Variants in SHISA9 observed in about 807,000 individuals in gnomAD.
SHISA9 encodes protein shisa-9.
SHISA9 carries 13 observed loss-of-function variants against 38.0 expected under a neutral mutation model. The observed-to-expected ratio is 0.34, with a 90% CI of 0.22 to 0.54. SHISA9 has a LOEUF of 0.54. Among genes scored for constraint, SHISA9 ranks in the 20% least tolerant of loss-of-function variants. The pLI is 0.91. For missense variants in SHISA9, 538 were observed against 575.8 expected (o/e 0.93, Z 0.67); for synonymous variants, 275 against 242.0 (o/e 1.14, Z -1.27).
At chr16:13,369,853 G>T in the SHISA9 span, among the ~76,000 whole-genome samples, 7 of 152,182 alleles carry the variant, frequency 4.6e-5, no homozygotes, top group African/African-American at 1.7e-4. Flanking sequence ...GCAACACCCA[G>T]GTTGCTTAAG....
Position 13,203,437 on chromosome 16 carries a change from C to T in SHISA9, c.735C>T (p.Leu245=). The change falls in exon 3 of 5, where the codon CTC becomes CTT. Residue 245 remains leucine (L), a synonymous_variant. Coordinates refer to ENST00000558583, the MANE Select transcript of SHISA9 (RefSeq NM_001145204.3). ...ACGCAGTGCCCACCTCTCCTCTGCTCCAGCAGATGGGCCATCCACATTCGT... is the reference window on the plus strand; with the variant it reads ...ACGCAGTGCCCACCTCTCCTCTGCTTCAGCAGATGGGCCATCCACATTCGT... ...MNNAVPTSPL[L]QQMGHPHSYP... is the part of the protein sequence containing the mutation. 1.3e-6 allele frequency: 2 copies of T among 1,550,418 alleles called. No individual in the cohort carries two copies. Among genetic ancestry groups the T allele is most frequent in the Non-Finnish European group, 1.7e-6 (2 of 1,146,388 alleles).
Position 12,910,415 on chromosome 16 carries a change from C to T in SHISA9, c.564-6273C>T, listed in dbSNP as rs992577121. ...ACCATGAATAGTACAAAAGCAATCC[C>T]TGCCCTTGAAGAGCAAACAGCCAAA... On this transcript the variant is annotated intron_variant, in intron 1 of 4. Transcript: ENST00000558583. 9 of 967,598 alleles carry T rather than the reference C, an allele frequency of 9.3e-6. No homozygotes were observed. The African/African-American group carries it at 1.6e-4, about 17-fold the overall frequency. The allele number at this position is 967,598 out of a possible 1,614,324, so 59.9% of individuals were successfully genotyped here. A position where few individuals can be genotyped will look rare whatever the true frequency, so the allele number is the denominator to read the frequency against.
chr16:13,118,180 T>TA lies in SHISA9; in HGVS notation c.692-85194dup, dbSNP rs543126630. On this transcript the variant is annotated intron_variant, in intron 2 of 4. Coordinates refer to ENST00000558583, the MANE Select transcript of SHISA9 (RefSeq NM_001145204.3). ...CTGGGCGACAGAGCGAGACTTCGTCTAAAAAAAAAAAAAAAAAAAAGCTCA... is the reference window on the plus strand; with the variant it reads ...CTGGGCGACAGAGCGAGACTTCGTCTAAAAAAAAAAAAAAAAAAAAAGCTCA... Among the ~76,000 whole-genome samples the TA allele has an allele frequency of 7.4e-3, 624 of 83,916 alleles. 11 individuals carry two copies. The highest frequency in any genetic ancestry group is 0.042 in the South Asian group (111 of 2,624). 55.1% of individuals were successfully genotyped at this position (83,916 alleles called of 152,430 possible). A position where few individuals can be genotyped will look rare whatever the true frequency, so the allele number is the denominator to read the frequency against.
the SHISA9 span, among the ~76,000 whole-genome samples, chr16:13,526,251 C>G: frequency 6.6e-6 from 1 of 152,236 alleles, no homozygotes; most frequent in African/African-American, 2.4e-5. Flanking sequence ...TAGCACAATA[C>G]TTCCTGAGGA....
chr16:13,379,137 A>G, the SHISA9 span, among the ~76,000 whole-genome samples: 897 of 152,256 alleles, frequency 5.9e-3, 13 homozygotes, highest in African/African-American at 0.021. Context: ...AAAGCTGCTT[A>G]ACTCACCTGT....
chr16:13,038,538 C>T (rs1419879512), intron 2 of SHISA9, among the ~76,000 whole-genome samples: 2 of 152,196 alleles, frequency 1.3e-5, no homozygotes, highest in Non-Finnish European at 2.9e-5. Context: ...AGGACTTTTG[C>T]ACGTACTGCT....
chr16:13,552,520 A>T, the SHISA9 span, among the ~76,000 whole-genome samples: 1 of 151,676 alleles, frequency 6.6e-6, no homozygotes, highest in African/African-American at 2.4e-5. Context: ...TTGTTACCTT[A>T]GCTGATTTCA....
chr16:13,360,070 G>A, the SHISA9 span, among the ~76,000 whole-genome samples: 3,202 of 152,278 alleles, frequency 0.021, 56 homozygotes, highest in African/African-American at 0.04. Flanking sequence ...AAGGACATCC[G>A]GTTCTGGGGA....
the SHISA9 span, among the ~76,000 whole-genome samples, chr16:13,457,802 C>T: frequency 4.6e-5 from 7 of 151,852 alleles, no homozygotes; most frequent in African/African-American, 1.7e-4. Flanking sequence ...AGGTAATTTA[C>T]GTGAGAAACA....
chr16:13,330,536 A>G, the SHISA9 span, among the ~76,000 whole-genome samples: 2 of 152,326 alleles, frequency 1.3e-5, no homozygotes, highest in East Asian at 3.9e-4. Context: ...GCAAATAGGC[A>G]TCTATCATCC....
rs1004980973 is a variant in SHISA9, at chr16:13,236,216, G to C, written c.*807G>C. On this transcript the variant is annotated 3_prime_UTR_variant, in exon 5 of 5. Coordinates refer to ENST00000558583, the MANE Select transcript of SHISA9 (RefSeq NM_001145204.3). ...TGGGAGGGATGGGCTTTTACGGAGAGGGTCCGGAGAGTATCAAATAACTTT... is the reference window on the plus strand; with the variant it reads ...TGGGAGGGATGGGCTTTTACGGAGACGGTCCGGAGAGTATCAAATAACTTT... 1 of 152,108 alleles carries C rather than the reference G, an allele frequency of 6.6e-6. No homozygotes were observed. The highest frequency in any genetic ancestry group is 1.5e-5 in the Non-Finnish European group (1 of 68,038). The allele number at this position is 152,108 out of a possible 1,614,324, so 9.4% of individuals were successfully genotyped here.
the SHISA9 span, among the ~76,000 whole-genome samples, chr16:13,352,589 G>C: frequency 1.3e-5 from 2 of 151,876 alleles, no homozygotes; most frequent in Non-Finnish European, 2.9e-5. Flanking sequence ...ATTTTCATGC[G>C]CGTCCGTGTG....
chr16:13,476,569 G>A, the SHISA9 span, among the ~76,000 whole-genome samples: 9 of 152,066 alleles, frequency 5.9e-5, no homozygotes, highest in South Asian at 8.3e-4. Context: ...GTCAGTCATG[G>A]TAAGTCAAAG....
intron 2 of SHISA9, among the ~76,000 whole-genome samples, chr16:12,993,870 G>A (rs1339213764): frequency 1.3e-5 from 2 of 152,170 alleles, no homozygotes; most frequent in Non-Finnish European, 2.9e-5. Context: ...GTTCCAGGTG[G>A]AGGGAATAGC....
At chr16:13,491,146 T>A in the SHISA9 span, among the ~76,000 whole-genome samples, 1 of 152,224 alleles carries the variant, frequency 6.6e-6, no homozygotes, top group African/African-American at 2.4e-5. Context: ...TTAACAGACT[T>A]GCTCATAAAC....
At chr16:12,998,305 C>T (rs1163799873) in intron 2 of SHISA9, among the ~76,000 whole-genome samples, 1 of 152,190 alleles carries the variant, frequency 6.6e-6, no homozygotes, top group East Asian at 1.9e-4. Flanking sequence ...TGTAATGTCT[C>T]AAAGACAATT....
intron 2 of SHISA9, among the ~76,000 whole-genome samples, chr16:13,181,090 C>A (rs2050772516): frequency 6.6e-6 from 1 of 151,460 alleles, no homozygotes; most frequent in African/African-American, 2.4e-5. Flanking sequence ...ATCAAATAAT[C>A]CTGCAAATAA....
At chr16:12,935,002 G>A (rs930496396) in intron 2 of SHISA9, among the ~76,000 whole-genome samples, 17 of 82,304 alleles carry the variant, frequency 2.1e-4, no homozygotes, top group African/African-American at 6.6e-4. Flanking sequence ...CTGCTGATAT[G>A]AATTATTCCA....
At chr16:13,202,855 C>CA (rs2051019005) in intron 2 of SHISA9, among the ~76,000 whole-genome samples, 1 of 152,154 alleles carries the variant, frequency 6.6e-6, no homozygotes, top group African/African-American at 2.4e-5. Flanking sequence ...ATTGTTCAGT[C>CA]AACATATACA....
Sources: gnomAD v4.1 joint callset for allele counts (sites outside exome capture counted in the v4.1 genomes callset) on GRCh38, gnomAD v4.1.1 for gene constraint, MANE v1.5 for transcripts, NCBI Gene and HGNC (gene_info 2026-07-23, HGNC 2026-07-21) for gene names.